ACSL4: variants seen among roughly 807,000 people sequenced by gnomAD.
ACSL4 encodes acyl-CoA synthetase long chain family member 4, also known as long-chain-fatty-acid--CoA ligase 4.
Under a neutral mutation model 49.1 loss-of-function variants are expected in ACSL4, and 9 were observed. The observed-to-expected ratio is 0.18, with a 90% confidence interval of 0.11 to 0.32. ACSL4 has a LOEUF of 0.32. Ranked by LOEUF, ACSL4 falls within the 10% of genes least tolerant of loss-of-function variation. The pLI is 1.00. For synonymous variants in ACSL4, 191 were observed against 170.3 expected (o/e 1.12, Z -0.95); for missense variants, 333 against 493.7 (o/e 0.67, Z 3.08).
At chrX:109,700,429 C>T (rs759746604) in intron 1 of ACSL4, among the ~76,000 whole-genome samples, 8 of 106,606 alleles carry the variant, frequency 7.5e-5, no homozygotes, top group Admixed American at 2.0e-4. Context: ...CCCAGCTACT[C>T]GGAAGGCTGA....
At chrX:109,652,488 C>T (rs1386553428) in intron 15 of ACSL4, among the ~76,000 whole-genome samples, 1 of 111,000 alleles carries the variant, frequency 9.0e-6, no homozygotes, top group Non-Finnish European at 1.9e-5. Flanking sequence ...ATTAAATATG[C>T]AATGGAAAAT....
In ACSL4 at chrX:109,686,776, GCA is replaced by G. The variant is rs35736807; in HGVS notation, c.-12-3403_-12-3402del. 5.9e-3 allele frequency among the ~76,000 whole-genome samples: 578 copies of G among 98,160 alleles called. 1 individual carries two copies. Among genetic ancestry groups the G allele is most frequent in the East Asian group, 0.011 (36 of 3,180 alleles). 85.2% of individuals were successfully genotyped at this position (98,160 alleles called of 115,157 possible). On this transcript the variant is annotated intron_variant, in intron 2 of 15. Transcript: ENST00000672401. ...TTAGTACAGACACACACACACGCAT[GCA>G]CACACACACACACACACACACACAC...
intron 2 of ACSL4, among the ~76,000 whole-genome samples, chrX:109,685,088 C>CTTTTTTTTTTT (rs1203140186): frequency 5.2e-5 from 4 of 77,443 alleles, no homozygotes; most frequent in African/African-American, 9.4e-5. Flanking sequence ...TCTTTTCTTT[C>CTTTTTTTTTTT]TTTTTTTTTT....
At chrX:109,679,536 G>A (rs1221462785) in intron 6 of ACSL4, among the ~76,000 whole-genome samples, 1 of 112,207 alleles carries the variant, frequency 8.9e-6, no homozygotes, top group Non-Finnish European at 1.9e-5. Flanking sequence ...TAAAGATATA[G>A]TCATAGTTTA....
At chrX:109,709,498 C>T (rs555734336) in intron 1 of ACSL4, among the ~76,000 whole-genome samples, 1 of 112,424 alleles carries the variant, frequency 8.9e-6, no homozygotes, top group Non-Finnish European at 1.9e-5. Context: ...GTTTTTCTTT[C>T]GAAATGTTTC....
At chrX:109,676,958 T>C (rs1240588499) in intron 8 of ACSL4, among the ~76,000 whole-genome samples, 1 of 111,878 alleles carries the variant, frequency 8.9e-6, no homozygotes, top group East Asian at 2.8e-4. Context: ...TTTTCAATTT[T>C]ACTTAATTTT....
intron 11 of ACSL4, among the ~76,000 whole-genome samples, chrX:109,666,194 T>C (rs1379394506): frequency 1.8e-5 from 2 of 112,391 alleles, no homozygotes; most frequent in African/African-American, 3.2e-5. Flanking sequence ...CTAAACTGCA[T>C]GGGCACTGAA....
chrX:109,645,005 T>A (rs770694619), intron 15 of ACSL4, among the ~76,000 whole-genome samples: 2 of 113,176 alleles, frequency 1.8e-5, no homozygotes, highest in Admixed American at 1.8e-4. Flanking sequence ...AGCCCGCACC[T>A]GGCTCGGAGG....
At chrX:109,731,007 T>TAGTGC (rs1431919715) in intron 1 of ACSL4, among the ~76,000 whole-genome samples, 1 of 111,730 alleles carries the variant, frequency 9.0e-6, no homozygotes, top group Admixed American at 9.6e-5. Context: ...ATTTAAAAAA[T>TAGTGC]AGTGCGGTAT....
intron 2 of ACSL4, chrX:109,683,666 C>T (rs927353316): frequency 1.4e-5 from 6 of 420,915 alleles, no homozygotes; most frequent in Non-Finnish European, 2.5e-5. Flanking sequence ...ATAAAGTACG[C>T]CTGTAGGTGA....
intron 1 of ACSL4, among the ~76,000 whole-genome samples, chrX:109,702,642 G>A (rs916867457): frequency 3.6e-5 from 4 of 111,870 alleles, no homozygotes; most frequent in Admixed American, 9.5e-5. Flanking sequence ...AGTTGATTAC[G>A]GGGCTGAGGC....
In ACSL4 at chrX:109,668,118, G is replaced by C. The variant is rs372786751; in HGVS notation, c.1298C>G (p.Ala433Gly). Residue 433 changes from alanine to glycine, a missense_variant, in exon 11 of 16, where the codon GCT becomes GGT. By Grantham distance (60) the Ala-to-Gly change is moderately conservative. Coordinates refer to ENST00000672401, the MANE Select transcript of ACSL4 (RefSeq NM_001318510.2). ...ATGCTTACCTTCAGTAACTGTCCCA[G>C]CACCACATGATTCTGTCAGTCCATA... Reference protein sequence around the residue: ...QGYGLTESCGAGTVTEVTDYT... With the variant: ...QGYGLTESCGGGTVTEVTDYT... 5.0e-6 allele frequency: 6 copies of C among 1,203,441 alleles called. 1 individual carries two copies. Among genetic ancestry groups the C allele is most frequent in the Non-Finnish European group, 6.7e-6 (6 of 889,855 alleles).
chrX:109,717,164 G>T (rs1927178984), intron 1 of ACSL4, among the ~76,000 whole-genome samples: 1 of 111,255 alleles, frequency 9.0e-6, no homozygotes, highest in Non-Finnish European at 1.9e-5. Context: ...CTTTAACTCT[G>T]ATTGATGGCT....
At position 109,664,707 on chromosome X, in the gene ACSL4, T is replaced by A. The variant is rs1373151072; in HGVS notation, c.1390+713A>T. Reference sequence around the variant, plus strand: ...CCTACACGGTAACTTGTACTTTAAATTTTTAGTCCGTGTTCCATCCTAAGG... The same window carrying A: ...CCTACACGGTAACTTGTACTTTAAAATTTTAGTCCGTGTTCCATCCTAAGG... On this transcript the variant is annotated intron_variant, in intron 12 of 15. Transcript: ENST00000672401. Among the ~76,000 whole-genome samples the A allele has an allele frequency of 4.5e-5, 5 of 112,205 alleles. No homozygotes were observed. In the East Asian group the frequency reaches 1.4e-3, roughly 31 times the overall value.
intron 4 of ACSL4, among the ~76,000 whole-genome samples, chrX:109,681,881 C>G (rs1349842461): frequency 9.1e-6 from 1 of 110,487 alleles, no homozygotes; most frequent in Non-Finnish European, 1.9e-5. Context: ...GTGACCTCCA[C>G]ACCTTAATTA....
chrX:109,664,948 G>T (rs1032125443), intron 12 of ACSL4, among the ~76,000 whole-genome samples: 1 of 111,759 alleles, frequency 8.9e-6, no homozygotes, highest in African/African-American at 3.3e-5. Flanking sequence ...TAAGTGGCTT[G>T]TCTGTGCAGG....
chrX:109,644,075 C>A lies in ACSL4; in HGVS notation c.1967G>T (p.Arg656Met). The A allele has an allele frequency of 8.3e-7, 1 of 1,211,209 alleles. No homozygotes were observed. Among genetic ancestry groups the A allele is most frequent in the Non-Finnish European group, 1.1e-6 (1 of 895,268 alleles). The change falls in exon 16 of 16, where the codon AGG becomes ATG. Residue 656 changes from arginine (R) to methionine (M), a missense_variant. Around this residue, in one of 3 missense-constraint regions of ACSL4, gnomAD observed 175 missense variants for 275.8 expected, o/e 0.63. Transcript: ENST00000672401. ...TTCAATGTCTTTGAGGTAATGGTTCCTCAGCTCCTTCCTTTTCAGTTTGAA... is the reference window on the plus strand; with the variant it reads ...TTCAATGTCTTTGAGGTAATGGTTCATCAGCTCCTTCCTTTTCAGTTTGAA... ...DAFKLKRKELRNHYLKDIERM... is the reference protein window; with the variant it reads ...DAFKLKRKELMNHYLKDIERM...
intron 13 of ACSL4, 108 bp from the exon 14 acceptor site, chrX:109,661,753 C>T (rs1922199115): frequency 1.1e-5 from 6 of 568,014 alleles, no homozygotes; most frequent in Non-Finnish European, 1.8e-5. Context: ...ACTACTTCTT[C>T]TAAAATTATT....
At position 109,668,230 on chromosome X, in the gene ACSL4, G is replaced by A; in HGVS notation, c.1186C>T (p.Arg396Cys). 1 of 1,207,049 alleles carries A rather than the reference G, an allele frequency of 8.3e-7. No individual in the cohort carries two copies. Among genetic ancestry groups the A allele is most frequent in the Non-Finnish European group, 1.1e-6 (1 of 892,657 alleles). The change falls in exon 11 of 16, where the codon CGC (arginine) becomes TGC (cysteine). Residue 396 changes from arginine to cysteine, a missense_variant. This residue lies in a region of ACSL4 where 175 missense variants were observed against 275.8 expected (regional missense o/e 0.63). Coordinates refer to ENST00000672401, the MANE Select transcript of ACSL4 (RefSeq NM_001318510.2). Reference protein sequence around the residue: ...KVKALLGGNVRMMLSGGAPLS... With the variant: ...KVKALLGGNVCMMLSGGAPLS... ...GGGGCCCCTCCAGACAGCATCATGC[G>A]GACATTCCCTCCCAGCAGGGCCTTG...
Sources: allele counts gnomAD v4.1 joint callset (sites outside exome capture counted in the v4.1 genomes callset), GRCh38; gene constraint gnomAD v4.1.1; regional missense constraint gnomAD v4.1.1; transcripts MANE v1.5; gene names NCBI Gene and HGNC (gene_info 2026-07-23, HGNC 2026-07-21).